The following CR1 variants were observed in gnomAD, a reference collection of about 807,000 sequenced individuals.
CR1 encodes the protein complement receptor type 1.
A neutral mutation model predicts 187.3 loss-of-function variants in CR1; 116 were observed. The observed-to-expected ratio is 0.62, with a 90% CI of 0.53 to 0.72. The LOEUF (loss-of-function observed/expected upper bound fraction) is 0.72. Ranked by LOEUF, CR1 falls within the 30% of genes least tolerant of loss-of-function variation. The pLI, the probability that CR1 is intolerant of heterozygous loss-of-function variation, is 0.00. For synonymous variants in CR1, 576 were observed against 747.1 expected, an observed-to-expected ratio of 0.77 and a Z score of 3.73; for missense variants, 1,731 against 2,110.7, an observed-to-expected ratio of 0.82 and a Z score of 3.52.
At chr1:207,586,124 T>TTGTGTGTGTG (rs3219612) in intron 33 of CR1, among the ~76,000 whole-genome samples, 15 of 150,138 alleles carry the variant, frequency 1.0e-4, no homozygotes, top group African/African-American at 3.7e-4. Context: ...TTGTTTTGTT[T>TTGTGTGTGTG]TGTGTGTGTG....
At position 207,580,295 on chromosome 1, in the gene CR1, C is replaced by G. The variant is rs1228449396; in HGVS notation, c.4992C>G (p.Asp1664Glu). 1 of 1,613,730 alleles carries G rather than the reference C, an allele frequency of 6.2e-7. No individual in the cohort carries two copies. Among genetic ancestry groups the G allele is most frequent in the African/African-American group, 1.3e-5 (1 of 74,864 alleles). The part of the protein sequence containing the change: ...LHGEHTPSHQ[D>E]NFSPGQEVFY... ...GTGAGCATACCCCAAGCCATCAGGA[C>G]AACTTTTCACCTGGGCAGGAAGTGT... The change falls in exon 30 of 47, where the codon GAC (aspartate) becomes GAG (glutamate). Residue 1664 changes from aspartate to glutamate, a missense_variant. Coordinates refer to ENST00000367049, the MANE Select transcript of CR1 (RefSeq NM_000651.6).
At chr1:207,522,082 C>G (rs1452744095) in intron 4 of CR1, among the ~76,000 whole-genome samples, 1 of 152,134 alleles carries the variant, frequency 6.6e-6, no homozygotes, top group Admixed American at 6.5e-5. Flanking sequence ...TATTTTATCT[C>G]TCCAAATATC....
At chr1:207,587,858 C>G (rs570400527) in intron 34 of CR1, among the ~76,000 whole-genome samples, 2 of 152,218 alleles carry the variant, frequency 1.3e-5, no homozygotes, top group African/African-American at 2.4e-5. Context: ...GTACATCACC[C>G]CTTCTTCTTG....
chr1:207,588,653 C>T (rs748204037), intron 34 of CR1, 22 bp from the exon 35 acceptor site: 38 of 1,553,176 alleles, frequency 2.4e-5, no homozygotes, highest in East Asian at 1.6e-4. Flanking sequence ...TATTTAATCC[C>T]AAATTCTGCT....
intron 4 of CR1, 34 bp downstream of exon 4, chr1:207,511,688 C>A (rs755304163): frequency 1.3e-6 from 2 of 1,581,258 alleles, no homozygotes; most frequent in Non-Finnish European, 1.7e-6. Flanking sequence ...TTTCTTTTAC[C>A]GACACATTCT....
chr1:207,524,092 A>T (rs914590157), intron 5 of CR1, 83 bp downstream of exon 5: 1 of 1,610,700 alleles, frequency 6.2e-7, no homozygotes, highest in African/African-American at 1.3e-5. Flanking sequence ...GTTCAGGGGG[A>T]GGGATGTGTG....
rs1662957566 is a variant in CR1, at chr1:207,640,674, A to T, written c.*1265A>T. 6.6e-6 allele frequency: 1 copy of T among 152,260 alleles called. No individual in the cohort carries two copies. The highest frequency in any genetic ancestry group is 1.5e-5 in the Non-Finnish European group (1 of 68,046). The allele number at this position is 152,260 out of a possible 1,614,324, so 9.4% of individuals were successfully genotyped here. A position where few individuals can be genotyped will look rare whatever the true frequency, so the allele number is the denominator to read the frequency against. ...TGACCTTGTGTTCTTTAACCAGTCCACATCTTTAGAGAACAAAAATGTGTT... is the reference window on the plus strand; with the variant it reads ...TGACCTTGTGTTCTTTAACCAGTCCTCATCTTTAGAGAACAAAAATGTGTT... On this transcript the variant is annotated 3_prime_UTR_variant, in exon 47 of 47. Transcript: ENST00000367049.
chr1:207,497,031 A>T (rs577922122), intron 1 of CR1, among the ~76,000 whole-genome samples: 1 of 152,264 alleles, frequency 6.6e-6, no homozygotes, highest in African/African-American at 2.4e-5. Flanking sequence ...CCCGCATGGA[A>T]CTGTCCTCGC....
rs1329712768 is a variant in CR1 at position 207,640,501 on chromosome 1, TA to T, written c.*1097del. On this transcript the variant is annotated 3_prime_UTR_variant, in exon 47 of 47. Coordinates refer to ENST00000367049, the MANE Select transcript of CR1 (RefSeq NM_000651.6). ...GCTGTGTTCTATATAAAAAACATAATAAAAATTGAAATGAAAGAATAATTGT... is the reference window on the plus strand; with the variant it reads ...GCTGTGTTCTATATAAAAAACATAATAAAATTGAAATGAAAGAATAATTGT... 6.6e-6 allele frequency: 1 copy of T among 152,216 alleles called. No homozygotes were observed. The highest frequency in any genetic ancestry group is 1.5e-5 in the Non-Finnish European group (1 of 68,036). 9.4% of individuals were successfully genotyped at this position (152,216 alleles called of 1,614,324 possible).
At chr1:207,613,066 G>T (rs1224074295) in intron 39 of CR1, among the ~76,000 whole-genome samples, 1 of 152,146 alleles carries the variant, frequency 6.6e-6, no homozygotes, top group Non-Finnish European at 1.5e-5. Flanking sequence ...GAGGGCGGAG[G>T]GCCACAGTGT....
chr1:207,581,803 C>A, intron 31 of CR1, 115 bp from the exon 32 acceptor site: 1 of 688,168 alleles, frequency 1.5e-6, no homozygotes, highest in Non-Finnish European at 2.6e-6. Flanking sequence ...TGTGCTTTAG[C>A]TTGAGCAGTA....
chr1:207,508,393 G>A (rs2102283487), intron 3 of CR1, among the ~76,000 whole-genome samples: 1 of 152,296 alleles, frequency 6.6e-6, no homozygotes, highest in Non-Finnish European at 1.5e-5. Context: ...CATGTATAGG[G>A]GCAGGGAGTA....
chr1:207,506,403 A>G (rs1659433862), intron 2 of CR1, among the ~76,000 whole-genome samples: 1 of 152,264 alleles, frequency 6.6e-6, no homozygotes, highest in Non-Finnish European at 1.5e-5. Flanking sequence ...TTAAATAACT[A>G]AAAGATGTGA....
At chr1:207,519,518 T>C (rs996903942) in intron 4 of CR1, among the ~76,000 whole-genome samples, 6 of 152,208 alleles carry the variant, frequency 3.9e-5, no homozygotes, top group Admixed American at 2.0e-4. Context: ...TTTACTATAG[T>C]CTGCTAAAAT....
intron 1 of CR1, 146 bp downstream of exon 1, chr1:207,496,534 G>A: frequency 5.1e-6 from 4 of 789,216 alleles, no homozygotes; most frequent in Non-Finnish European, 7.5e-6. Flanking sequence ...GCGCGACCCG[G>A]CAGGGCGGCG....
chr1:207,582,778 A>C (rs1209591022), intron 32 of CR1, among the ~76,000 whole-genome samples: 1 of 152,192 alleles, frequency 6.6e-6, no homozygotes, highest in Non-Finnish European at 1.5e-5. Context: ...TGGTTAGCTT[A>C]GATAGAGGGT....
chr1:207,575,710 C>T (rs752941341), intron 28 of CR1, 30 bp downstream of exon 28: 2 of 1,611,518 alleles, frequency 1.2e-6, no homozygotes, highest in African/African-American at 2.7e-5. Flanking sequence ...CCCATTCACC[C>T]CACCATTGAA....
At chr1:207,503,611 C>T (rs1249685321) in intron 1 of CR1, among the ~76,000 whole-genome samples, 1 of 152,260 alleles carries the variant, frequency 6.6e-6, no homozygotes, top group African/African-American at 2.4e-5. Context: ...ACCCTCTTGC[C>T]TCCCTTTTAT....
intron 35 of CR1, among the ~76,000 whole-genome samples, chr1:207,593,738 A>T (rs971043460): frequency 6.6e-6 from 1 of 152,256 alleles, no homozygotes; most frequent in Non-Finnish European, 1.5e-5. Context: ...TCCAGAATCT[A>T]CAAGGAACTT....
Sources: gnomAD v4.1 joint callset for allele counts (sites outside exome capture counted in the v4.1 genomes callset) on GRCh38, gnomAD v4.1.1 for gene constraint, MANE v1.5 for transcripts, NCBI Gene and HGNC (gene_info 2026-07-23, HGNC 2026-07-21) for gene names.